Variants in SYN3 observed in about 807,000 individuals in gnomAD.
SYN3 encodes the protein synapsin III.
A neutral mutation model predicts 65.8 loss-of-function variants in SYN3; 35 were observed. That is an observed-to-expected ratio of 0.53 (90% CI 0.41 to 0.70). The LOEUF is 0.70. Ranked by LOEUF, SYN3 falls within the 30% of genes least tolerant of loss-of-function variation. SYN3 has a pLI of 0.00. For synonymous variants in SYN3, 270 were observed against 292.9 expected (o/e 0.92, Z 0.80); for missense variants, 680 against 749.0 (o/e 0.91, Z 1.08).
intron 3 of SYN3, among the ~76,000 whole-genome samples, chr22:32,957,430 T>C (rs1283909002): frequency 6.6e-6 from 1 of 152,216 alleles, no homozygotes; most frequent in Non-Finnish European, 1.5e-5. Flanking sequence ...TGTGAGTTTC[T>C]GAAAGCTACC....
Position 32,512,399 on chromosome 22 carries a change from C to A in SYN3, c.*1293G>T, listed in dbSNP as rs1177355922. Reference sequence around the variant, plus strand: ...ACCAGGAGGCTGCTTCTGGCACCTACAATGTTTCCAGCACCAGGTGCTTGG... The same window carrying A: ...ACCAGGAGGCTGCTTCTGGCACCTAAAATGTTTCCAGCACCAGGTGCTTGG... On this transcript the variant is annotated 3_prime_UTR_variant, in exon 14 of 14. Transcript: ENST00000358763. Among the ~76,000 whole-genome samples the A allele has an allele frequency of 6.6e-6, 1 of 152,178 alleles. No individual in the cohort carries two copies. The highest frequency in any genetic ancestry group is 2.4e-5 in the African/African-American group (1 of 41,446).
intron 6 of SYN3, among the ~76,000 whole-genome samples, chr22:32,706,169 C>T (rs1202594877): frequency 6.6e-6 from 1 of 152,102 alleles, no homozygotes; most frequent in Non-Finnish European, 1.5e-5. Flanking sequence ...CCAGCTTTTG[C>T]CCATTCAGAA....
intron 6 of SYN3, among the ~76,000 whole-genome samples, chr22:32,822,402 C>T (rs2047275730): frequency 6.6e-6 from 1 of 152,152 alleles, no homozygotes; most frequent in African/African-American, 2.4e-5. Flanking sequence ...CTTGCACTTC[C>T]TATCCTCATG....
intron 4 of SYN3, among the ~76,000 whole-genome samples, chr22:32,885,244 T>C (rs918824722): frequency 2.6e-5 from 4 of 152,106 alleles, no homozygotes; most frequent in African/African-American, 9.7e-5. Flanking sequence ...CAGTGATGAC[T>C]AAATCAATAA....
intron 6 of SYN3, among the ~76,000 whole-genome samples, chr22:32,763,969 ACT>A (rs1162003902): frequency 4.3e-5 from 6 of 138,148 alleles, no homozygotes; most frequent in Non-Finnish European, 9.3e-5. Flanking sequence ...ACTGAGTCTC[ACT>A]CTGTCGCTCA....
chr22:32,831,075 C>A (rs2047560851), intron 6 of SYN3, among the ~76,000 whole-genome samples: 1 of 152,104 alleles, frequency 6.6e-6, no homozygotes, highest in Admixed American at 6.5e-5. Context: ...GCTTCCATGG[C>A]TGGGATGCAG....
chr22:32,683,373 G>A (rs1172944414), intron 6 of SYN3, among the ~76,000 whole-genome samples: 4 of 151,990 alleles, frequency 2.6e-5, no homozygotes, highest in Non-Finnish European at 5.9e-5. Flanking sequence ...GGCTTCCATG[G>A]CCATACTTTT....
rs563646743 is a variant in SYN3 at position 32,620,738 on chromosome 22, T to A, written c.712-24002A>T. 1.1e-3 allele frequency among the ~76,000 whole-genome samples: 165 copies of A among 151,920 alleles called. 1 individual carries two copies. The highest frequency in any genetic ancestry group is 7.6e-3 in the Admixed American group (116 of 15,256). On this transcript the variant is annotated intron_variant, in intron 6 of 13. Coordinates refer to ENST00000358763, the MANE Select transcript of SYN3 (RefSeq NM_003490.4). ...AACCCAAATCACTCTTTTTTTTTTT[T>A]AAACGGAATCTCACTCTGTTGCCCA...
chr22:32,873,591 G>A (rs1430133378), intron 4 of SYN3, among the ~76,000 whole-genome samples: 2 of 152,156 alleles, frequency 1.3e-5, no homozygotes, highest in Admixed American at 6.5e-5. Context: ...TCTGATCAGA[G>A]AACCACATTT....
intron 6 of SYN3, among the ~76,000 whole-genome samples, chr22:32,763,443 G>A (rs1275768298): frequency 2.6e-5 from 4 of 152,146 alleles, no homozygotes; most frequent in Admixed American, 6.5e-5. Context: ...GAGCCACCAC[G>A]CCTGGCCAAG....
rs546568342 is a variant in SYN3, at chr22:32,742,118, A to G, written c.711+122797T>C. ...AAAACCCCACCTCTACTAAAAAAAT[A>G]CAAAAAAATTAGCCGGGCATGGTGG... On this transcript the variant is annotated intron_variant, in intron 6 of 13. Coordinates refer to ENST00000358763, the MANE Select transcript of SYN3 (RefSeq NM_003490.4). 1.3e-3 allele frequency among the ~76,000 whole-genome samples: 201 copies of G among 152,078 alleles called. 1 individual carries two copies. Among genetic ancestry groups the G allele is most frequent in the Non-Finnish European group, 2.4e-3 (163 of 67,966 alleles).
At chr22:32,859,197 C>T in intron 6 of SYN3, 2 of 1,614,214 alleles carry the variant, frequency 1.2e-6, no homozygotes, top group South Asian at 1.1e-5. Context: ...CCTGCTACTA[C>T]CTGCCTTGCT....
chr22:32,977,791 A>C (rs1369812763), intron 3 of SYN3, among the ~76,000 whole-genome samples: 1 of 151,568 alleles, frequency 6.6e-6, no homozygotes, highest in Non-Finnish European at 1.5e-5. Context: ...GGAAACTGAC[A>C]AGCAGCCTGG....
chr22:32,811,699 C>T (rs964582455), intron 6 of SYN3, among the ~76,000 whole-genome samples: 10 of 152,102 alleles, frequency 6.6e-5, no homozygotes, highest in African/African-American at 1.2e-4. Flanking sequence ...ATTGGGGGGT[C>T]GGTCATAGTT....
chr22:33,025,749 C>A (rs1214070281), intron 1 of SYN3, among the ~76,000 whole-genome samples: 1 of 152,098 alleles, frequency 6.6e-6, no homozygotes, highest in Non-Finnish European at 1.5e-5. Flanking sequence ...TTATTAGCCA[C>A]AATTCTTCAT....
intron 6 of SYN3, among the ~76,000 whole-genome samples, chr22:32,856,087 C>T (rs1169358227): frequency 1.3e-5 from 2 of 152,176 alleles, no homozygotes; most frequent in East Asian, 1.9e-4. Flanking sequence ...ATACATCCCT[C>T]CCAGGGCTCT....
At chr22:32,917,184 G>C (rs1472760159) in intron 4 of SYN3, among the ~76,000 whole-genome samples, 1 of 152,164 alleles carries the variant, frequency 6.6e-6, no homozygotes, top group Non-Finnish European at 1.5e-5. Context: ...GGGAGTCAGA[G>C]GTAAGATTAC....
intron 6 of SYN3, among the ~76,000 whole-genome samples, chr22:32,764,316 G>A (rs1462912535): frequency 1.3e-5 from 2 of 152,092 alleles, no homozygotes; most frequent in African/African-American, 4.8e-5. Flanking sequence ...AAATGTCCCC[G>A]TTTTCTGTAA....
intron 6 of SYN3, among the ~76,000 whole-genome samples, chr22:32,741,139 G>A (rs1396242111): frequency 8.5e-5 from 13 of 152,158 alleles, no homozygotes; most frequent in Non-Finnish European, 1.9e-4. Context: ...GAGATGCAGA[G>A]TTGACAATAA....
Sources: gnomAD v4.1 joint callset for allele counts (sites outside exome capture counted in the v4.1 genomes callset) on GRCh38, gnomAD v4.1.1 for gene constraint, MANE v1.5 for transcripts, NCBI Gene and HGNC (gene_info 2026-07-23, HGNC 2026-07-21) for gene names.